The following NKAIN2 variants were observed in gnomAD, a reference collection of about 807,000 sequenced individuals.
NKAIN2 encodes the protein sodium/potassium transporting ATPase interacting 2.
NKAIN2 carries 14 observed loss-of-function variants against 32.6 expected under a neutral mutation model. That is an observed-to-expected ratio of 0.43 (90% CI 0.28 to 0.67). NKAIN2 has a LOEUF of 0.67. Among genes scored for constraint, NKAIN2 ranks in the 30% least tolerant of loss-of-function variants. The pLI is 0.17. For synonymous variants in NKAIN2, 80 were observed against 87.2 expected (o/e 0.92, Z 0.46); for missense variants, 198 against 258.3 (o/e 0.77, Z 1.60).
chr6:123,853,876 A>G (rs201124906), intron 1 of NKAIN2, among the ~76,000 whole-genome samples: 1 of 151,776 alleles, frequency 6.6e-6, no homozygotes. Flanking sequence ...GGGTTCAAGC[A>G]ATTCTCCTGC....
intron 1 of NKAIN2, among the ~76,000 whole-genome samples, chr6:123,863,264 T>C (rs1298284403): frequency 6.6e-6 from 1 of 152,232 alleles, no homozygotes. Context: ...ATTTGGTAAA[T>C]GTAGAGTCTG....
chr6:124,584,547 G>T (rs1781638741), intron 3 of NKAIN2, among the ~76,000 whole-genome samples: 1 of 151,976 alleles, frequency 6.6e-6, no homozygotes, highest in Admixed American at 6.5e-5. Context: ...CAGATTCTCT[G>T]GAGGTTGAGG....
intron 3 of NKAIN2, among the ~76,000 whole-genome samples, chr6:124,422,702 A>G (rs1388621158): frequency 1.3e-5 from 2 of 152,260 alleles, no homozygotes; most frequent in Non-Finnish European, 2.9e-5. Flanking sequence ...CTTACTTGCA[A>G]TCTGGATCAC....
At chr6:124,777,328 A>G (rs1310153996) in intron 4 of NKAIN2, among the ~76,000 whole-genome samples, 1 of 152,182 alleles carries the variant, frequency 6.6e-6, no homozygotes, top group Non-Finnish European at 1.5e-5. Context: ...GGCAGACAGT[A>G]GAGTGGTTAA....
chr6:124,215,426 T>A (rs926171398), intron 1 of NKAIN2, among the ~76,000 whole-genome samples: 21 of 152,112 alleles, frequency 1.4e-4, no homozygotes, highest in African/African-American at 5.1e-4. Context: ...ATGGGCCCAA[T>A]CCTTATGTGC....
intron 3 of NKAIN2, among the ~76,000 whole-genome samples, chr6:124,411,148 G>T (rs1191984396): frequency 6.6e-6 from 1 of 152,108 alleles, no homozygotes; most frequent in African/African-American, 2.4e-5. Flanking sequence ...TTGCCAGTCT[G>T]TGCCTTTTAA....
chr6:124,434,339 A>G (rs547435119), intron 3 of NKAIN2, among the ~76,000 whole-genome samples: 1 of 152,194 alleles, frequency 6.6e-6, no homozygotes, highest in Non-Finnish European at 1.5e-5. Flanking sequence ...AAAAAGACAC[A>G]CTTAACATTT....
chr6:124,323,260 A>G (rs1797269630), intron 2 of NKAIN2, among the ~76,000 whole-genome samples: 1 of 152,200 alleles, frequency 6.6e-6, no homozygotes, highest in South Asian at 2.1e-4. Context: ...TTCACAGAAT[A>G]AAAGTAATCG....
chr6:124,339,198 G>T (rs564626870), intron 2 of NKAIN2, among the ~76,000 whole-genome samples: 1 of 152,028 alleles, frequency 6.6e-6, no homozygotes, highest in African/African-American at 2.4e-5. Context: ...AAAAGTAGCC[G>T]GGCGTGGTGG....
In NKAIN2 at chr6:124,314,060, A is replaced by G. The variant is rs117006735; in HGVS notation, c.192+30918A>G. Among the ~76,000 whole-genome samples the G allele has an allele frequency of 4.5e-3, 684 of 152,196 alleles. 2 individuals are homozygous for G. The highest frequency in any genetic ancestry group is 8.2e-3 in the Non-Finnish European group (559 of 68,000). On this transcript the variant is annotated intron_variant, in intron 2 of 6. Coordinates refer to ENST00000368417, the MANE Select transcript of NKAIN2 (RefSeq NM_001040214.3). ...TCCACACCTTTCAGTTTTTGCTTAT[A>G]CAGGCCAGAATGGGAGGGCTAGGAT...
chr6:123,911,797 A>ATGTATATATATATATGTATATATATATG (rs1457542667), intron 1 of NKAIN2, among the ~76,000 whole-genome samples: 2 of 103,350 alleles, frequency 1.9e-5, no homozygotes, highest in Non-Finnish European at 3.6e-5. Context: ...ATATATATAT[A>ATGTATATATATATATGTATATATATATG]TATGTATATA....
At chr6:124,058,651 G>A (rs1047688289) in intron 1 of NKAIN2, among the ~76,000 whole-genome samples, 1 of 152,024 alleles carries the variant, frequency 6.6e-6, no homozygotes, top group African/African-American at 2.4e-5. Context: ...AACAACTGGA[G>A]AGCCACACTC....
At chr6:124,588,143 G>T (rs1781776424) in intron 3 of NKAIN2, among the ~76,000 whole-genome samples, 1 of 152,120 alleles carries the variant, frequency 6.6e-6, no homozygotes, top group Admixed American at 6.5e-5. Context: ...TTTTATAGCA[G>T]CCAGGGATCA....
chr6:123,991,283 A>G (rs1395711460), intron 1 of NKAIN2, among the ~76,000 whole-genome samples: 1 of 152,162 alleles, frequency 6.6e-6, no homozygotes, highest in Non-Finnish European at 1.5e-5. Context: ...GTATTTCCTG[A>G]AATGTTCCAC....
At chr6:123,976,316 T>TATATGTTTCC (rs1448974067) in intron 1 of NKAIN2, among the ~76,000 whole-genome samples, 4 of 44,478 alleles carry the variant, frequency 9.0e-5, no homozygotes, top group African/African-American at 1.8e-4. Context: ...TGTTTCCATA[T>TATATGTTTCC]ATATATATGT....
intron 4 of NKAIN2, among the ~76,000 whole-genome samples, chr6:124,701,163 A>ACACACGCACACACACT (rs34229830): frequency 4.8e-4 from 73 of 151,222 alleles, no homozygotes; most frequent in African/African-American, 1.7e-3. Context: ...GCACACACAC[A>ACACACGCACACACACT]CACACACACA....
intron 4 of NKAIN2, among the ~76,000 whole-genome samples, chr6:124,715,623 T>A (rs941137576): frequency 6.6e-6 from 1 of 152,196 alleles, no homozygotes; most frequent in Non-Finnish European, 1.5e-5. Flanking sequence ...GTGGACGAGC[T>A]TGGAGAATCA....
intron 1 of NKAIN2, among the ~76,000 whole-genome samples, chr6:123,914,962 C>A (rs12530238): frequency 3.9e-5 from 6 of 151,906 alleles, no homozygotes; most frequent in South Asian, 4.1e-4. Flanking sequence ...ATTCCCAAGC[C>A]CACCTCACAT....
chr6:123,889,035 T>C (rs1183542821), intron 1 of NKAIN2, among the ~76,000 whole-genome samples: 2 of 152,130 alleles, frequency 1.3e-5, no homozygotes, highest in Non-Finnish European at 2.9e-5. Flanking sequence ...CTGAATGGCA[T>C]TGAAAGGATA....
Sources: allele counts gnomAD v4.1 joint callset (sites outside exome capture counted in the v4.1 genomes callset), GRCh38; gene constraint gnomAD v4.1.1; transcripts MANE v1.5; gene names NCBI Gene and HGNC (gene_info 2026-07-23, HGNC 2026-07-21).